RTTN: variants seen among roughly 807,000 people sequenced by gnomAD.
The protein encoded by RTTN is rotatin.
In RTTN, 182 loss-of-function variants were observed where a neutral mutation model predicts 269.2. The observed-to-expected ratio is 0.68, with a 90% CI of 0.60 to 0.76. RTTN has a LOEUF of 0.76. Among genes scored for constraint, RTTN ranks in the 30% least tolerant of loss-of-function variants. RTTN has a pLI of 0.00. For missense variants in RTTN, 2,545 were observed against 2,608.6 expected, an observed-to-expected ratio of 0.98 and a Z score of 0.53; for synonymous variants, 1,006 against 963.5, an observed-to-expected ratio of 1.04 and a Z score of -0.82.
chr18:70,198,884 C>A (rs1213660002), intron 5 of RTTN, among the ~76,000 whole-genome samples: 3 of 152,110 alleles, frequency 2.0e-5, no homozygotes, highest in African/African-American at 4.8e-5. Flanking sequence ...ACACAAGAGT[C>A]CAACCACAAA....
chr18:70,142,411 ACC>A (rs2060282027), intron 18 of RTTN, 24 bp from the exon 19 acceptor site: 33 of 1,015,074 alleles, frequency 3.3e-5, no homozygotes, highest in African/African-American at 6.4e-5. Context: ...AAAAAAAAAA[ACC>A]AAAATTACAT....
intron 19 of RTTN, 65 bp downstream of exon 19, chr18:70,142,223 A>C: frequency 1.6e-5 from 16 of 1,010,808 alleles, no homozygotes; most frequent in Non-Finnish European, 2.3e-5. Flanking sequence ...TCCTGCCAGT[A>C]CCATATGGCA....
At position 70,205,667 on chromosome 18, in the gene RTTN, G is replaced by A. The variant is rs770277745; in HGVS notation, c.-9C>T. On this transcript the variant is annotated 5_prime_UTR_variant, in exon 1 of 49. It adds an upstream start codon to the 5' untranslated region. Coordinates refer to ENST00000640769, the MANE Select transcript of RTTN (RefSeq NM_173630.4). ...AGCCCTGCCAGGACCATCTCGTCCC[G>A]TCAATCTGCAGCCGCCGGAGAATTA... The A allele has an allele frequency of 8.7e-6, 14 of 1,614,070 alleles. No individual in the cohort carries two copies. Among genetic ancestry groups the A allele is most frequent in the Non-Finnish European group, 1.2e-5 (14 of 1,179,988 alleles).
At chr18:70,146,260 C>G (rs1021316872) in intron 17 of RTTN, among the ~76,000 whole-genome samples, 2 of 152,094 alleles carry the variant, frequency 1.3e-5, no homozygotes, top group Non-Finnish European at 2.9e-5. Flanking sequence ...CAAACAGATT[C>G]CTGTCAAATA....
chr18:70,063,682 TATTAC>T (rs1163036571), intron 35 of RTTN, among the ~76,000 whole-genome samples: 1 of 152,252 alleles, frequency 6.6e-6, no homozygotes, highest in South Asian at 2.1e-4. Context: ...ATAAAATATG[TATTAC>T]ATATCTTCAG....
intron 37 of RTTN, among the ~76,000 whole-genome samples, chr18:70,055,848 A>AC (rs1251266224): frequency 6.6e-6 from 1 of 152,092 alleles, no homozygotes; most frequent in Non-Finnish European, 1.5e-5. Context: ...AAAAATACCA[A>AC]CCAACTGACC....
At chr18:70,187,485 G>A (rs1298537601) in intron 10 of RTTN, among the ~76,000 whole-genome samples, 5 of 151,952 alleles carry the variant, frequency 3.3e-5, no homozygotes, top group Admixed American at 6.6e-5. Flanking sequence ...ACATTTTTAT[G>A]AAGAAAAAAC....
rs550491986 is a variant in RTTN, at chr18:70,154,476, C to T, written c.1930-3743G>A. Among the ~76,000 whole-genome samples the T allele has an allele frequency of 2.6e-5, 4 of 152,190 alleles. No individual in the cohort carries two copies. In the East Asian group the frequency reaches 7.7e-4, roughly 29 times the overall value. ...TTAAATTTCGGGGTATAATAACTAT[C>T]CCAAATACAGTGATCTTAGTTTCTT... On this transcript the variant is annotated intron_variant, in intron 14 of 48. Coordinates refer to ENST00000640769, the MANE Select transcript of RTTN (RefSeq NM_173630.4).
intron 34 of RTTN, among the ~76,000 whole-genome samples, chr18:70,066,235 T>C (rs1474554946): frequency 1.3e-5 from 2 of 152,208 alleles, no homozygotes; most frequent in Non-Finnish European, 2.9e-5. Flanking sequence ...AAGGCTAAAA[T>C]ATACCACCTT....
rs371502520 is a variant in RTTN, at chr18:70,017,560, C to G, written c.6268G>C (p.Asp2090His). The G allele has an allele frequency of 1.2e-6, 2 of 1,613,940 alleles. No homozygotes were observed. Among genetic ancestry groups the G allele is most frequent in the Admixed American group, 3.3e-5 (2 of 60,000 alleles). ...AGCCTCAGAATCATTTGTTGCCCAT[C>G]TTCTCCAGATGATATATTCAGGAGT... ...KLLLNISSGE[D>H]GQQMILRLDG... The change falls in exon 46 of 49, where the codon GAT becomes CAT. Residue 2090 changes from aspartate (D) to histidine (H), a missense_variant. Asp to His is a moderately conservative substitution (Grantham distance 81). Coordinates refer to ENST00000640769, the MANE Select transcript of RTTN (RefSeq NM_173630.4).
intron 28 of RTTN, among the ~76,000 whole-genome samples, chr18:70,101,166 C>T (rs531913752): frequency 5.9e-5 from 9 of 152,204 alleles, no homozygotes; most frequent in South Asian, 4.2e-4. Context: ...AGCTCCTCTT[C>T]GTACCTCTGG....
chr18:70,098,441 GAGAT>G (rs763030046), intron 28 of RTTN, among the ~76,000 whole-genome samples: 51 of 152,116 alleles, frequency 3.4e-4, no homozygotes, highest in Admixed American at 6.5e-4. Flanking sequence ...AAAACTTAAT[GAGAT>G]AGATAGGCCA....
At chr18:70,018,597 G>T (rs1020504314) in intron 45 of RTTN, among the ~76,000 whole-genome samples, 2 of 152,086 alleles carry the variant, frequency 1.3e-5, no homozygotes, top group African/African-American at 4.8e-5. Flanking sequence ...TTATACAAAA[G>T]GACTCTGAGT....
intron 28 of RTTN, among the ~76,000 whole-genome samples, chr18:70,098,819 G>A (rs2059074859): frequency 6.6e-6 from 1 of 151,996 alleles, no homozygotes; most frequent in Non-Finnish European, 1.5e-5. Flanking sequence ...ACAGGCCCTG[G>A]TGTGTGATGT....
intron 26 of RTTN, among the ~76,000 whole-genome samples, chr18:70,117,468 T>C (rs974631769): frequency 2.0e-5 from 3 of 152,056 alleles, no homozygotes; most frequent in Non-Finnish European, 4.4e-5. Context: ...TTCACTTTTG[T>C]GCACTCTTAA....
intron 30 of RTTN, 101 bp from the exon 31 acceptor site, chr18:70,088,248 C>T: frequency 8.9e-7 from 1 of 1,121,384 alleles, no homozygotes; most frequent in East Asian, 2.6e-5. Context: ...TAAAAAAATC[C>T]ATTGGTTTTA....
chr18:70,158,945 A>C (rs2060755893), intron 14 of RTTN, among the ~76,000 whole-genome samples: 1 of 152,220 alleles, frequency 6.6e-6, no homozygotes, highest in Admixed American at 6.5e-5. Context: ...TCATAAAACA[A>C]GTTCTTAGAG....
chr18:70,027,027 T>C (rs891088400), intron 43 of RTTN, among the ~76,000 whole-genome samples: 1 of 152,200 alleles, frequency 6.6e-6, no homozygotes, highest in African/African-American at 2.4e-5. Context: ...AGTTTGGAAG[T>C]CATTCTACAT....
chr18:70,093,453 C>T (rs2058908202), intron 28 of RTTN, among the ~76,000 whole-genome samples: 1 of 151,976 alleles, frequency 6.6e-6, no homozygotes, highest in Admixed American at 6.6e-5. Flanking sequence ...ACAAATAGGT[C>T]TTATTATTTT....
Sources: gnomAD v4.1 joint callset for allele counts (sites outside exome capture counted in the v4.1 genomes callset) on GRCh38, gnomAD v4.1.1 for gene constraint, MANE v1.5 for transcripts, NCBI Gene and HGNC (gene_info 2026-07-23, HGNC 2026-07-21) for gene names.